The following CLVS1 variants were observed in gnomAD, a reference collection of about 807,000 sequenced individuals.
CLVS1 encodes the protein clavesin-1.
A neutral mutation model predicts 33.1 loss-of-function variants in CLVS1; 10 were observed. The ratio of observed to expected loss-of-function variants is 0.30; its 90% CI spans 0.19 to 0.51. The LOEUF (loss-of-function observed/expected upper bound fraction) is 0.51, where lower values mean the gene tolerates loss of function less well. Among genes scored for constraint, CLVS1 ranks in the 20% least tolerant of loss-of-function variants. CLVS1 has a pLI of 0.97. For synonymous variants in CLVS1, 163 were observed against 166.1 expected (o/e 0.98, Z 0.14); for missense variants, 343 against 433.4 (o/e 0.79, Z 1.85).
the CLVS1 span, among the ~76,000 whole-genome samples, chr8:60,984,652 C>A: frequency 1.2e-4 from 18 of 152,162 alleles, no homozygotes; most frequent in Non-Finnish European, 1.5e-5. Context: ...CTATTCACAC[C>A]ATTAAAAATG....
chr8:61,053,571 C>T (rs1038878268), upstream of CLVS1, among the ~76,000 whole-genome samples: 6 of 152,152 alleles, frequency 3.9e-5, no homozygotes, highest in Admixed American at 6.5e-5. Flanking sequence ...GGATCCTGGC[C>T]CCTAGCTTTA....
chr8:61,067,457 T>C (rs940213415), intron 1 of CLVS1, among the ~76,000 whole-genome samples: 4 of 148,712 alleles, frequency 2.7e-5, no homozygotes, highest in Non-Finnish European at 5.9e-5. Context: ...TTAGTTGATA[T>C]ATTATTATAA....
intron 1 of CLVS1, among the ~76,000 whole-genome samples, chr8:61,070,813 A>C (rs1804780584): frequency 6.6e-6 from 1 of 152,218 alleles, no homozygotes; most frequent in South Asian, 2.1e-4. Flanking sequence ...ACTGCACCCC[A>C]TCCTGGGTGA....
chr8:61,216,220 G>A (rs892861142), intron 2 of CLVS1, among the ~76,000 whole-genome samples: 1 of 152,166 alleles, frequency 6.6e-6, no homozygotes, highest in African/African-American at 2.4e-5. Context: ...GCTCCTTACT[G>A]TTGAAATCGT....
At chr8:60,994,563 TTC>T in the CLVS1 span, among the ~76,000 whole-genome samples, 2 of 152,208 alleles carry the variant, frequency 1.3e-5, no homozygotes, top group Non-Finnish European at 2.9e-5. Flanking sequence ...CCCTATTTTC[TTC>T]TGTTTCACAG....
chr8:61,205,129 A>G (rs945574370), intron 2 of CLVS1, among the ~76,000 whole-genome samples: 1 of 152,226 alleles, frequency 6.6e-6, no homozygotes, highest in Non-Finnish European at 1.5e-5. Flanking sequence ...ATATTTAAAA[A>G]TTGTGGTTAA....
At chr8:61,192,456 G>C (rs1021075998) in intron 2 of CLVS1, among the ~76,000 whole-genome samples, 54 of 150,180 alleles carry the variant, frequency 3.6e-4, no homozygotes, top group Non-Finnish European at 6.5e-4. Flanking sequence ...ATTCAGGCCA[G>C]AGGCATGGGC....
intron 2 of CLVS1, among the ~76,000 whole-genome samples, chr8:61,161,126 A>G (rs1806741893): frequency 6.6e-6 from 1 of 152,212 alleles, no homozygotes; most frequent in Non-Finnish European, 1.5e-5. Flanking sequence ...GCCACAATGA[A>G]GTATCAACAC....
At chr8:61,136,272 C>T (rs943991176) in intron 2 of CLVS1, among the ~76,000 whole-genome samples, 4 of 152,148 alleles carry the variant, frequency 2.6e-5, no homozygotes, top group Admixed American at 6.5e-5. Context: ...GATGTGATTT[C>T]CCTGCTGAAA....
At chr8:61,427,108 T>A (rs370768119) in intron 3 of CLVS1, among the ~76,000 whole-genome samples, 9 of 152,206 alleles carry the variant, frequency 5.9e-5, no homozygotes, top group African/African-American at 2.2e-4. Context: ...CTAAAATTCA[T>A]TTAAAAGTTG....
At chr8:61,040,151 A>G in the CLVS1 span, among the ~76,000 whole-genome samples, 2 of 152,210 alleles carry the variant, frequency 1.3e-5, no homozygotes, top group Admixed American at 6.5e-5. Flanking sequence ...AGCTACATCC[A>G]TATTTCTGCA....
At chr8:61,342,933 G>T (rs1263781822) in intron 2 of CLVS1, among the ~76,000 whole-genome samples, 2 of 152,212 alleles carry the variant, frequency 1.3e-5, no homozygotes, top group Admixed American at 1.3e-4. Context: ...AATCACAGTT[G>T]GGAGAAGAAT....
At chr8:61,166,787 T>C (rs1329212686) in intron 2 of CLVS1, among the ~76,000 whole-genome samples, 1 of 151,824 alleles carries the variant, frequency 6.6e-6, no homozygotes, top group East Asian at 1.9e-4. Flanking sequence ...TTTGCCCAGC[T>C]AAAACCTGGT....
chr8:61,011,717 G>T, the CLVS1 span, among the ~76,000 whole-genome samples: 41 of 152,264 alleles, frequency 2.7e-4, no homozygotes, highest in African/African-American at 9.1e-4. Context: ...AAAGTGCTGG[G>T]ATTACAGGCG....
chr8:61,481,211 G>T (rs747024879), intron 5 of CLVS1, among the ~76,000 whole-genome samples: 18 of 152,094 alleles, frequency 1.2e-4, no homozygotes, highest in Non-Finnish European at 2.5e-4. Context: ...CCCTAGCTCT[G>T]CAATTTGGTG....
Position 61,160,598 on chromosome 8 carries a change from AAATTACCTCTTCTTGTTAAGAGATTT to A in CLVS1, c.-152+28739_-152+28764del, listed in dbSNP as rs1285381546. On this transcript the variant is annotated intron_variant, in intron 2 of 2. Transcript: ENST00000522621. ...CCAAAGATTGTGCTTCTAAATTTCT[AAATTACCTCTTCTTGTTAAGAGATTT>A]TTTTTTTCCTGAGATTAATTAGTAG... Among the ~76,000 whole-genome samples, 5 of 148,742 alleles carry A rather than the reference AAATTACCTCTTCTTGTTAAGAGATTT, an allele frequency of 3.4e-5. No homozygotes were observed. The Admixed American group carries it at 3.4e-4, about 10-fold the overall frequency.
At chr8:61,104,860 G>A (rs140937755) in intron 1 of CLVS1, among the ~76,000 whole-genome samples, 2,010 of 152,058 alleles carry the variant, frequency 0.013, 51 homozygotes, top group African/African-American at 0.046. Flanking sequence ...ACAGAGTCTC[G>A]CTCTGTTGCC....
intron 2 of CLVS1, among the ~76,000 whole-genome samples, chr8:61,326,616 C>T (rs1453843069): frequency 5.3e-5 from 8 of 152,130 alleles, no homozygotes; most frequent in South Asian, 4.1e-4. Context: ...GCAGCATAAT[C>T]GCAGTACAGA....
chr8:61,458,160 G>C, intron 4 of CLVS1, 147 bp from the exon 5 acceptor site: 1 of 621,086 alleles, frequency 1.6e-6, no homozygotes, highest in Non-Finnish European at 2.8e-6. Context: ...TGAAGACTAA[G>C]CTACAGTCAC....
Sources: gnomAD v4.1 joint callset for allele counts (sites outside exome capture counted in the v4.1 genomes callset) on GRCh38, gnomAD v4.1.1 for gene constraint, MANE v1.5 for transcripts, NCBI Gene and HGNC (gene_info 2026-07-23, HGNC 2026-07-21) for gene names.